The following ADAM23 variants were observed in gnomAD, a reference collection of about 807,000 sequenced individuals.
ADAM23 encodes the protein disintegrin and metalloproteinase domain-containing protein 23.
ADAM23 carries 33 observed loss-of-function variants against 120.1 expected under a neutral mutation model. The observed-to-expected ratio is 0.27, with a 90% CI of 0.21 to 0.37. The LOEUF (loss-of-function observed/expected upper bound fraction) is 0.37. Among genes scored for constraint, ADAM23 ranks in the 10% least tolerant of loss-of-function variants. The pLI is 1.00. For missense variants in ADAM23, 862 were observed against 1,058.2 expected (o/e 0.81, Z 2.57); for synonymous variants, 367 against 375.2 (o/e 0.98, Z 0.25).
intron 2 of ADAM23, among the ~76,000 whole-genome samples, chr2:206,465,048 T>A (rs1421428485): frequency 1.3e-5 from 2 of 152,092 alleles, no homozygotes; most frequent in African/African-American, 2.4e-5. Context: ...AACATTTTCT[T>A]TCTTTGTTTT....
At chr2:206,465,054 G>A (rs953649984) in intron 2 of ADAM23, among the ~76,000 whole-genome samples, 1 of 151,878 alleles carries the variant, frequency 6.6e-6, no homozygotes, top group Non-Finnish European at 1.5e-5. Flanking sequence ...TTCTTTCTTT[G>A]TTTTTCTTAG....
intron 4 of ADAM23, among the ~76,000 whole-genome samples, chr2:206,538,478 A>G (rs1697225807): frequency 6.6e-6 from 1 of 152,152 alleles, no homozygotes; most frequent in African/African-American, 2.4e-5. Flanking sequence ...TTGTATTCAG[A>G]ACCTAGATAT....
At chr2:206,552,507 A>C (rs1697549932) in intron 9 of ADAM23, among the ~76,000 whole-genome samples, 3 of 152,176 alleles carry the variant, frequency 2.0e-5, no homozygotes, top group Admixed American at 2.0e-4. Context: ...CTTATGAATA[A>C]TAAAATAGCA....
At chr2:206,612,696 A>G (rs1698848788) in intron 25 of ADAM23, among the ~76,000 whole-genome samples, 3 of 152,226 alleles carry the variant, frequency 2.0e-5, no homozygotes, top group African/African-American at 7.2e-5. Flanking sequence ...AAATACAGCT[A>G]TGCTCTAAGC....
intron 8 of ADAM23, among the ~76,000 whole-genome samples, chr2:206,548,786 A>G (rs1020408467): frequency 6.6e-6 from 1 of 152,186 alleles, no homozygotes; most frequent in African/African-American, 2.4e-5. Context: ...ACATATTTAT[A>G]TTACTTTCAG....
intron 25 of ADAM23, among the ~76,000 whole-genome samples, chr2:206,612,591 A>G (rs559482846): frequency 2.8e-4 from 42 of 152,302 alleles, no homozygotes; most frequent in African/African-American, 9.9e-4. Flanking sequence ...GGAAAATACT[A>G]TATTTTCCTA....
chr2:206,489,162 G>A (rs1288508846), intron 3 of ADAM23, among the ~76,000 whole-genome samples: 1 of 152,190 alleles, frequency 6.6e-6, no homozygotes, highest in Non-Finnish European at 1.5e-5. Flanking sequence ...GCTGGGGACA[G>A]CTTGAGGCAC....
At chr2:206,602,220 A>AT (rs1307100124) in intron 24 of ADAM23, among the ~76,000 whole-genome samples, 1 of 152,200 alleles carries the variant, frequency 6.6e-6, no homozygotes, top group Non-Finnish European at 1.5e-5. Flanking sequence ...AAGTTTAAAA[A>AT]TTTTTTAATA....
chr2:206,479,100 G>A (rs1475260731), intron 2 of ADAM23, among the ~76,000 whole-genome samples: 1 of 152,142 alleles, frequency 6.6e-6, no homozygotes, highest in East Asian at 1.9e-4. Context: ...AAAGCAAAAG[G>A]AAAACCCAGT....
intron 6 of ADAM23, among the ~76,000 whole-genome samples, chr2:206,545,166 C>T (rs1430257410): frequency 6.6e-6 from 1 of 152,116 alleles, no homozygotes; most frequent in African/African-American, 2.4e-5. Flanking sequence ...GAACAGAAAA[C>T]ATTTTTTATC....
chr2:206,542,677 T>C (rs1697317528), intron 5 of ADAM23, among the ~76,000 whole-genome samples: 1 of 152,142 alleles, frequency 6.6e-6, no homozygotes, highest in African/African-American at 2.4e-5. Context: ...CGACAAAGAA[T>C]CTTGAAACTT....
chr2:206,525,865 T>C (rs1696933999), intron 3 of ADAM23, among the ~76,000 whole-genome samples: 1 of 152,068 alleles, frequency 6.6e-6, no homozygotes, highest in African/African-American at 2.4e-5. Context: ...GCTGAGATTA[T>C]AGGCATGAGC....
chr2:206,464,604 A>C (rs577046184), intron 2 of ADAM23, among the ~76,000 whole-genome samples: 1 of 152,144 alleles, frequency 6.6e-6, no homozygotes, highest in African/African-American at 2.4e-5. Flanking sequence ...AATAAAAAGA[A>C]ACAAAAGTTG....
In ADAM23 at chr2:206,452,148, A is replaced by G. The variant is rs193060283; in HGVS notation, c.432+6624A>G. ...ATGTGGCTCCTCTTTAGATAGGATGACACATGCTGTTTACTGCAGTGCCCT... is the reference window on the plus strand; with the variant it reads ...ATGTGGCTCCTCTTTAGATAGGATGGCACATGCTGTTTACTGCAGTGCCCT... On this transcript the variant is annotated intron_variant, in intron 2 of 25. Transcript: ENST00000264377. 3.8e-4 allele frequency among the ~76,000 whole-genome samples: 58 copies of G among 152,366 alleles called. 1 individual carries two copies. Among genetic ancestry groups the G allele is most frequent in the Non-Finnish European group, 6.3e-4 (43 of 68,036 alleles).
At chr2:206,569,663 C>T (rs991536425) in intron 15 of ADAM23, among the ~76,000 whole-genome samples, 1 of 152,176 alleles carries the variant, frequency 6.6e-6, no homozygotes, top group Non-Finnish European at 1.5e-5. Flanking sequence ...TCAGCCCTTC[C>T]CTTTTCCAGT....
chr2:206,556,747 CTCTT>C (rs1697651651), intron 9 of ADAM23, among the ~76,000 whole-genome samples: 1 of 152,130 alleles, frequency 6.6e-6, no homozygotes, highest in Admixed American at 6.5e-5. Context: ...TTTTTGTCTT[CTCTT>C]TGTTTTGACT....
intron 25 of ADAM23, among the ~76,000 whole-genome samples, chr2:206,612,500 G>T (rs1698845176): frequency 6.6e-6 from 1 of 152,184 alleles, no homozygotes. Flanking sequence ...TTTATTTCTA[G>T]AAGAAAAGTT....
rs1204224618 is a variant in ADAM23 at position 206,619,430 on chromosome 2, T to A, written c.*1803T>A. 6.6e-6 allele frequency: 1 copy of A among 152,134 alleles called. No individual in the cohort carries two copies. Among genetic ancestry groups the A allele is most frequent in the Non-Finnish European group, 1.5e-5 (1 of 68,018 alleles). The allele number at this position is 152,134 out of a possible 1,614,324, so 9.4% of individuals were successfully genotyped here. A position where few individuals can be genotyped will look rare whatever the true frequency, so the allele number is the denominator to read the frequency against. ...GGCTTTGTTTTAATGTACAAACCGG[T>A]ATGTGATCACTTCAGTGAGCATCCC... is the stretch of plus-strand genomic sequence containing the variant. On this transcript the variant is annotated 3_prime_UTR_variant, in exon 26 of 26. Transcript: ENST00000264377.
chr2:206,549,986 C>T, intron 8 of ADAM23, 109 bp from the exon 9 acceptor site: 3 of 565,656 alleles, frequency 5.3e-6, no homozygotes, highest in Non-Finnish European at 8.8e-6. Context: ...ATAAAGTAGG[C>T]AGCAGAGAGT....
Sources: allele counts gnomAD v4.1 joint callset (sites outside exome capture counted in the v4.1 genomes callset), GRCh38; gene constraint gnomAD v4.1.1; transcripts MANE v1.5; gene names NCBI Gene and HGNC (gene_info 2026-07-23, HGNC 2026-07-21).